Variants in NPAS3 observed in about 807,000 individuals in gnomAD.
The protein encoded by NPAS3 is neuronal PAS domain-containing protein 3.
NPAS3 carries 14 observed loss-of-function variants against 73.1 expected under a neutral mutation model. The observed-to-expected ratio is 0.19, with a 90% CI of 0.13 to 0.30. The LOEUF (loss-of-function observed/expected upper bound fraction) is 0.30, where lower values mean the gene tolerates loss of function less well. Ranked by LOEUF, NPAS3 falls within the 10% of genes least tolerant of loss-of-function variation. The pLI is 1.00. For missense variants in NPAS3, 1,096 were observed against 1,250.0 expected (o/e 0.88, Z 1.86); for synonymous variants, 620 against 541.5 (o/e 1.14, Z -2.01).
rs576272457 is a variant in NPAS3 at position 33,264,209 on chromosome 14, G to T, written c.385+48783G>T. On this transcript the variant is annotated intron_variant, in intron 3 of 11. Transcript: ENST00000356141. ...ACACCGCATGTTCTCACTCATAGGT[G>T]AGAATTGAACAGTGAGAACACATGG... 3.9e-5 allele frequency among the ~76,000 whole-genome samples: 6 copies of T among 152,000 alleles called. No homozygotes were observed. The East Asian group carries it at 1.2e-3, about 29-fold the overall frequency.
At chr14:33,255,155 A>T (rs550989640) in intron 3 of NPAS3, among the ~76,000 whole-genome samples, 1 of 152,306 alleles carries the variant, frequency 6.6e-6, no homozygotes, top group Admixed American at 6.5e-5. Flanking sequence ...TGGCTAACAT[A>T]GCAGGTTTGG....
At chr14:33,652,412 A>C (rs1245874790) in intron 5 of NPAS3, among the ~76,000 whole-genome samples, 2 of 152,222 alleles carry the variant, frequency 1.3e-5, no homozygotes, top group Non-Finnish European at 2.9e-5. Context: ...TAGTTAGCAC[A>C]GATGACCTTC....
At chr14:33,011,177 G>A (rs1207347925) in intron 1 of NPAS3, among the ~76,000 whole-genome samples, 5 of 152,126 alleles carry the variant, frequency 3.3e-5, no homozygotes, top group Non-Finnish European at 7.4e-5. Context: ...GAGCACTTTT[G>A]TACTGCATCA....
chr14:33,170,608 T>C (rs2045353669), intron 2 of NPAS3, among the ~76,000 whole-genome samples: 1 of 152,230 alleles, frequency 6.6e-6, no homozygotes, highest in Admixed American at 6.5e-5. Context: ...GCTGCTGCTT[T>C]ATTAATTAAG....
chr14:33,296,884 T>C (rs2042323728), intron 3 of NPAS3, among the ~76,000 whole-genome samples: 1 of 152,192 alleles, frequency 6.6e-6, no homozygotes, highest in African/African-American at 2.4e-5. Context: ...CTGATGACTG[T>C]GGCTAACTAA....
intron 4 of NPAS3, among the ~76,000 whole-genome samples, chr14:33,482,922 A>T (rs972935356): frequency 2.6e-5 from 4 of 152,206 alleles, no homozygotes; most frequent in Non-Finnish European, 5.9e-5. Flanking sequence ...TATGTCAGTA[A>T]ATTAAAACAT....
At chr14:33,049,921 T>C (rs543700352) in intron 1 of NPAS3, among the ~76,000 whole-genome samples, 1 of 152,344 alleles carries the variant, frequency 6.6e-6, no homozygotes, top group East Asian at 1.9e-4. Flanking sequence ...TAGGTTCAAA[T>C]ACTTTCCAAG....
intron 2 of NPAS3, among the ~76,000 whole-genome samples, chr14:33,093,744 A>G (rs561136366): frequency 7.6e-4 from 116 of 152,300 alleles, no homozygotes; most frequent in Non-Finnish European, 1.1e-3. Flanking sequence ...GATAGACTGG[A>G]TTAAGAAAAT....
chr14:33,296,358 C>G (rs2042299765), intron 3 of NPAS3, among the ~76,000 whole-genome samples: 1 of 152,172 alleles, frequency 6.6e-6, no homozygotes, highest in East Asian at 1.9e-4. Context: ...ACATACACGG[C>G]CACCTTACTC....
At chr14:33,321,860 C>G (rs926014013) in intron 3 of NPAS3, among the ~76,000 whole-genome samples, 1 of 152,040 alleles carries the variant, frequency 6.6e-6, no homozygotes, top group Non-Finnish European at 1.5e-5. Context: ...AAGACACAGG[C>G]AAAAATCAAC....
intron 1 of NPAS3, among the ~76,000 whole-genome samples, chr14:32,978,199 G>A (rs1484423747): frequency 6.6e-6 from 1 of 152,138 alleles, no homozygotes; most frequent in Non-Finnish European, 1.5e-5. Flanking sequence ...CTAGTTTTTA[G>A]CTATGTGTAT....
chr14:33,471,879 C>T (rs915651024), intron 4 of NPAS3, among the ~76,000 whole-genome samples: 1 of 152,180 alleles, frequency 6.6e-6, no homozygotes, highest in Non-Finnish European at 1.5e-5. Flanking sequence ...CCCTATCACT[C>T]GCATTACTGC....
At chr14:33,108,301 C>G (rs146851907) in intron 2 of NPAS3, among the ~76,000 whole-genome samples, 1,927 of 150,130 alleles carry the variant, frequency 0.013, 43 homozygotes, top group African/African-American at 0.045. Context: ...TCAAGTGATT[C>G]TCCTGCCTCA....
At chr14:33,391,633 A>G (rs2047009630) in intron 4 of NPAS3, among the ~76,000 whole-genome samples, 1 of 152,222 alleles carries the variant, frequency 6.6e-6, no homozygotes, top group South Asian at 2.1e-4. Flanking sequence ...GGAGTGGTGA[A>G]AGAGAGAGTG....
chr14:32,936,912 C>A (rs181654211), upstream of NPAS3, among the ~76,000 whole-genome samples: 2 of 148,344 alleles, frequency 1.3e-5, no homozygotes, highest in Middle Eastern at 3.2e-3. Context: ...AATCCCACTG[C>A]AGTTCTAAAG....
intron 1 of NPAS3, among the ~76,000 whole-genome samples, chr14:33,037,443 G>A (rs1423227793): frequency 6.7e-6 from 1 of 149,580 alleles, no homozygotes; most frequent in East Asian, 2.0e-4. Context: ...CCATGAGTTT[G>A]AGACCAGCCT....
chr14:33,597,580 C>T (rs1186690701), intron 5 of NPAS3, among the ~76,000 whole-genome samples: 14 of 152,230 alleles, frequency 9.2e-5, no homozygotes, highest in Non-Finnish European at 2.1e-4. Flanking sequence ...TGATTTTCTT[C>T]ATACATATAC....
intron 1 of NPAS3, among the ~76,000 whole-genome samples, chr14:32,950,906 A>G (rs913217591): frequency 5.9e-5 from 9 of 152,154 alleles, no homozygotes; most frequent in Admixed American, 3.9e-4. Flanking sequence ...CTCAAAGTCA[A>G]GATGCACCAA....
chr14:33,183,421 GTTTTTTT>G (rs55643715), intron 2 of NPAS3, among the ~76,000 whole-genome samples: 1,127 of 60,784 alleles, frequency 0.019, 15 homozygotes, highest in Middle Eastern at 0.048. Flanking sequence ...GTGAGACTCT[GTTTTTTT>G]TTTTTTTTTT....
Sources: allele counts gnomAD v4.1 joint callset (sites outside exome capture counted in the v4.1 genomes callset), GRCh38; gene constraint gnomAD v4.1.1; transcripts MANE v1.5; gene names NCBI Gene and HGNC (gene_info 2026-07-23, HGNC 2026-07-21).